SCNN1B: variants seen among roughly 807,000 people sequenced by gnomAD.
SCNN1B encodes the protein sodium channel epithelial 1 subunit beta.
SCNN1B carries 46 observed loss-of-function variants against 65.3 expected under a neutral mutation model. The ratio of observed to expected loss-of-function variants is 0.70; its 90% CI spans 0.56 to 0.90. The LOEUF (loss-of-function observed/expected upper bound fraction) is 0.90, where lower values mean the gene tolerates loss of function less well. SCNN1B is among the 40% of genes least tolerant of loss of function. The pLI is 0.00. For synonymous variants in SCNN1B, 349 were observed against 330.6 expected, an observed-to-expected ratio of 1.06 and a Z score of -0.60; for missense variants, 751 against 830.5, an observed-to-expected ratio of 0.90 and a Z score of 1.18.
At chr16:23,357,408 C>G (rs1385388249) in intron 4 of SCNN1B, among the ~76,000 whole-genome samples, 9 of 152,242 alleles carry the variant, frequency 5.9e-5, no homozygotes, top group African/African-American at 2.2e-4. Flanking sequence ...CATGGCGAAA[C>G]CTTGTCTCTA....
At chr16:23,281,728 C>A (rs2141966661) in intron 1 of SCNN1B, among the ~76,000 whole-genome samples, 1 of 152,296 alleles carries the variant, frequency 6.6e-6, no homozygotes, top group South Asian at 2.1e-4. Flanking sequence ...GAAAATCAGA[C>A]ATATTTAAGT....
At chr16:23,333,618 T>C (rs1961874923) in intron 1 of SCNN1B, among the ~76,000 whole-genome samples, 3 of 152,214 alleles carry the variant, frequency 2.0e-5, no homozygotes, top group Non-Finnish European at 1.5e-5. Flanking sequence ...CTTATCTTAT[T>C]GAATCCTGAC....
intron 1 of SCNN1B, among the ~76,000 whole-genome samples, chr16:23,341,224 G>C (rs983962530): frequency 6.6e-6 from 1 of 152,192 alleles, no homozygotes; most frequent in Non-Finnish European, 1.5e-5. Context: ...AGAAAGAATA[G>C]TCTGGGTGCT....
chr16:23,377,635 CCCTT>C (rs1446346441), intron 10 of SCNN1B, among the ~76,000 whole-genome samples: 8 of 103,108 alleles, frequency 7.8e-5, no homozygotes, highest in African/African-American at 3.1e-4. Context: ...CATTCCTTCT[CCCTT>C]CCTTCCTCCC....
Position 23,289,463 on chromosome 16 carries a change from A to G in SCNN1B, n.178+5659A>G, listed in dbSNP as rs551625087. On this transcript the variant is annotated intron_variant and non_coding_transcript_variant, in intron 2 of 3. Transcript: ENST00000569789. The stretch of plus-strand genomic sequence containing the variant: ...ATACTCAGGAGGCTGAAGCTGGAGG[A>G]TCGATTAAGCCCAGGAGTTTGAGGC... Among the ~76,000 whole-genome samples the G allele has an allele frequency of 3.3e-5, 5 of 152,026 alleles. No individual in the cohort carries two copies. The South Asian group carries it at 6.2e-4, about 19-fold the overall frequency.
At chr16:23,330,908 G>A (rs547509883) in intron 1 of SCNN1B, among the ~76,000 whole-genome samples, 1 of 152,250 alleles carries the variant, frequency 6.6e-6, no homozygotes, top group South Asian at 2.1e-4. Flanking sequence ...AGCTGCAGGA[G>A]ATGGAGATAA....
intron 2 of SCNN1B, 23 bp from the exon 3 acceptor site, chr16:23,352,777 CT>C: frequency 6.2e-7 from 1 of 1,613,958 alleles, no homozygotes; most frequent in Non-Finnish European, 8.5e-7. Context: ...TTCCTTCCCC[CT>C]AACCAGCCCT....
chr16:23,293,994 A>T (rs949944339), intron 2 of SCNN1B, among the ~76,000 whole-genome samples: 3 of 152,148 alleles, frequency 2.0e-5, no homozygotes, highest in African/African-American at 7.2e-5. Flanking sequence ...CAATAAAAAA[A>T]ATATAAAAAA....
At chr16:23,318,218 G>T (rs183922546) in intron 1 of SCNN1B, among the ~76,000 whole-genome samples, 1 of 152,126 alleles carries the variant, frequency 6.6e-6, no homozygotes, top group Non-Finnish European at 1.5e-5. Context: ...AAACAGACAC[G>T]GTTTCAATTT....
intron 8 of SCNN1B, 136 bp downstream of exon 8, chr16:23,375,991 G>T (rs1383957917): frequency 3.0e-6 from 2 of 662,190 alleles, no homozygotes; most frequent in Non-Finnish European, 5.5e-6. Flanking sequence ...ACAGTCTGAG[G>T]TCCCTCCTAT....
At chr16:23,340,393 C>T (rs1962031401) in intron 1 of SCNN1B, among the ~76,000 whole-genome samples, 1 of 152,012 alleles carries the variant, frequency 6.6e-6, no homozygotes, top group Non-Finnish European at 1.5e-5. Context: ...TTCTTCTATG[C>T]TTTCTTCTGG....
intron 4 of SCNN1B, among the ~76,000 whole-genome samples, chr16:23,362,854 G>C (rs1962580141): frequency 6.6e-6 from 1 of 152,184 alleles, no homozygotes; most frequent in African/African-American, 2.4e-5. Flanking sequence ...GAGCTGGTTT[G>C]CTCTGCTCTG....
chr16:23,297,683 A>T (rs1961017131), upstream of SCNN1B, among the ~76,000 whole-genome samples: 4 of 152,344 alleles, frequency 2.6e-5, no homozygotes, highest in South Asian at 8.3e-4. Context: ...ACCATAGTTA[A>T]TCTGACTTGG....
At chr16:23,307,607 G>A (rs528622617) in intron 1 of SCNN1B, among the ~76,000 whole-genome samples, 5 of 151,852 alleles carry the variant, frequency 3.3e-5, no homozygotes, top group African/African-American at 7.3e-5. Flanking sequence ...GGCATGAGCC[G>A]CTGCGCTTGG....
chr16:23,378,595 G>C, intron 10 of SCNN1B, 111 bp from the exon 11 acceptor site: 1 of 918,500 alleles, frequency 1.1e-6, no homozygotes, highest in Non-Finnish European at 1.8e-6. Context: ...TGATTCCCCC[G>C]GGGGCCTCAG....
In SCNN1B at chr16:23,355,172, A is replaced by G; in HGVS notation, c.586-127A>G. 1.0e-5 allele frequency: 9 copies of G among 877,544 alleles called. No individual in the cohort carries two copies. In the South Asian group the frequency reaches 1.2e-4, roughly 12 times the overall value. The allele number at this position is 877,544 out of a possible 1,614,324, so 54.4% of individuals were successfully genotyped here. On this transcript the variant is annotated intron_variant, in intron 3 of 12. Transcript: ENST00000343070. ...AGCATGAGTGTGAACGTTTCCCACC[A>G]CCAAGTTGCAGCCAGAAAGGTGGCT... is the stretch of plus-strand genomic sequence containing the variant.
At chr16:23,282,736 A>G (rs1960800281) in intron 1 of SCNN1B, among the ~76,000 whole-genome samples, 1 of 152,228 alleles carries the variant, frequency 6.6e-6, no homozygotes, top group African/African-American at 2.4e-5. Context: ...TTCCATGGCA[A>G]CAACCTGACA....
intron 5 of SCNN1B, among the ~76,000 whole-genome samples, chr16:23,368,757 GT>G (rs1194463494): frequency 6.6e-6 from 1 of 152,190 alleles, no homozygotes; most frequent in Non-Finnish European, 1.5e-5. Flanking sequence ...ATTCTGAGCA[GT>G]TTTTAAACAA....
upstream of SCNN1B, among the ~76,000 whole-genome samples, chr16:23,300,577 TG>T (rs1313236157): frequency 6.6e-6 from 1 of 151,992 alleles, no homozygotes; most frequent in African/African-American, 2.4e-5. Flanking sequence ...GGCTCACACC[TG>T]TTATCTCAGC....
Sources: gnomAD v4.1 joint callset for allele counts (sites outside exome capture counted in the v4.1 genomes callset) on GRCh38, gnomAD v4.1.1 for gene constraint, MANE v1.5 for transcripts, NCBI Gene and HGNC (gene_info 2026-07-23, HGNC 2026-07-21) for gene names.